Variants in SWI5 observed in about 807,000 individuals in gnomAD.
SWI5 encodes DNA repair protein SWI5 homolog.
Under a neutral mutation model 17.0 loss-of-function variants are expected in SWI5, and 12 were observed. The ratio of observed to expected loss-of-function variants is 0.71; its 90% CI spans 0.45 to 1.14. SWI5 has a LOEUF of 1.14. SWI5 is among the 50% of genes most tolerant of loss of function. The pLI, the probability that SWI5 is intolerant of heterozygous loss-of-function variation, is 0.00. For synonymous variants in SWI5, 61 were observed against 64.0 expected (o/e 0.95, Z 0.22); for missense variants, 158 against 162.2 (o/e 0.97, Z 0.14).
intron 2 of SWI5, among the ~76,000 whole-genome samples, chr9:128,281,488 C>G (rs937967908): frequency 3.9e-5 from 6 of 152,204 alleles, no homozygotes; most frequent in African/African-American, 1.4e-4. Flanking sequence ...CTCGGAGAAG[C>G]CTTATCCCCA....
At chr9:128,278,106 T>A (rs1276314585) in intron 2 of SWI5, among the ~76,000 whole-genome samples, 1 of 152,004 alleles carries the variant, frequency 6.6e-6, no homozygotes, top group African/African-American at 2.4e-5. Flanking sequence ...TTGTGTGCCA[T>A]GACGCCTGGC....
At chr9:128,275,859 C>A (rs1173371021), upstream of SWI5, 10 of 1,164,562 alleles carry the variant, frequency 8.6e-6, no homozygotes, top group East Asian at 1.8e-4. Flanking sequence ...GGGGCTGGGG[C>A]TGGGTCGGGG....
chr9:128,283,528 CATT>C (rs1277401621), intron 2 of SWI5, among the ~76,000 whole-genome samples: 100 of 150,870 alleles, frequency 6.6e-4, no homozygotes, highest in Non-Finnish European at 7.7e-4. Context: ...CAACCAGTGA[CATT>C]GTAAATGAGA....
rs145414387 is a variant in SWI5, at chr9:128,277,672, A to G, written c.111+917A>G. Among the ~76,000 whole-genome samples the G allele has an allele frequency of 1.8e-3, 270 of 152,372 alleles. 1 individual carries two copies. The highest frequency in any genetic ancestry group is 2.9e-3 in the Non-Finnish European group (198 of 68,042). On this transcript the variant is annotated intron_variant, in intron 2 of 4. Transcript: ENST00000418976. ...CCCTCCAGGAGCCACAGGCAAAAAA[A>G]TAATTCCAGGACAAGTATGCACATG...
chr9:128,276,272 C>A lies in SWI5; in HGVS notation c.-69C>A, dbSNP rs1327795910. 6.2e-7 allele frequency: 1 copy of A among 1,612,438 alleles called. No individual in the cohort carries two copies. The highest frequency in any genetic ancestry group is 8.5e-7 in the Non-Finnish European group (1 of 1,179,482). On this transcript the variant is annotated 5_prime_UTR_variant, in exon 1 of 5. Coordinates refer to ENST00000418976, the Ensembl canonical transcript of SWI5. ...TTGGGTGCGCGCGCAGCTTTCTGTG[C>A]GCCAGTTCACACTCCGGGTCAGAGT...
intron 2 of SWI5, among the ~76,000 whole-genome samples, chr9:128,281,584 G>A (rs539527549): frequency 8.6e-4 from 129 of 149,634 alleles, no homozygotes; most frequent in African/African-American, 2.7e-3. Context: ...CTTATAATTC[G>A]TTTATTGGTT....
chr9:128,285,291 A>G lies in SWI5; in HGVS notation c.234-648A>G, dbSNP rs1831619535. The stretch of plus-strand genomic sequence containing the variant: ...AGGAAGGAAGGGAAAGGAAGGAAGG[A>G]AGGAAAGGAAGGAAGGAAGAAAGAA... On this transcript the variant is annotated intron_variant, in intron 3 of 4. Transcript: ENST00000418976. The surrounding 1 kb of genome is among the most constrained non-coding windows in gnomAD (Gnocchi z 4.8). Among the ~76,000 whole-genome samples the G allele has an allele frequency of 6.6e-6, 1 of 151,368 alleles. No individual in the cohort carries two copies. The highest frequency in any genetic ancestry group is 1.5e-5 in the Non-Finnish European group (1 of 67,772).
chr9:128,277,706 A>G (rs1483180840), intron 2 of SWI5, among the ~76,000 whole-genome samples: 1 of 152,228 alleles, frequency 6.6e-6, no homozygotes, highest in Admixed American at 6.5e-5. Flanking sequence ...TGGTTCTGAG[A>G]TGGGGAGCCC....
chr9:128,282,664 A>G (rs1447074548), intron 2 of SWI5, among the ~76,000 whole-genome samples: 1 of 152,192 alleles, frequency 6.6e-6, no homozygotes, highest in African/African-American at 2.4e-5. Flanking sequence ...TTCCTGGCAG[A>G]GAGTGCTCAC....
chr9:128,276,530 C>T, intron 1 of SWI5, 128 bp downstream of exon 1: 3 of 1,569,048 alleles, frequency 1.9e-6, no homozygotes, highest in African/African-American at 2.7e-5. Context: ...TCTCAGAACG[C>T]CCCCTTCCTA....
chr9:128,287,010 G>A (rs1831650706), intron 4 of SWI5, among the ~76,000 whole-genome samples: 1 of 151,972 alleles, frequency 6.6e-6, no homozygotes, highest in Non-Finnish European at 1.5e-5. Context: ...AGGCATGGTG[G>A]CACATGTGTA....
chr9:128,286,329 G>T (rs1197535309), intron 4 of SWI5: 1 of 362,092 alleles, frequency 2.8e-6, no homozygotes, highest in African/African-American at 2.0e-5. Context: ...CCTACTCAGA[G>T]TGATCAAGAT....
intron 2 of SWI5, chr9:128,278,547 G>C (rs1424100029): frequency 2.2e-6 from 1 of 445,358 alleles, no homozygotes; most frequent in East Asian, 7.2e-5. Context: ...CTGGGCAACA[G>C]AGCGAAACTC....
chr9:128,282,373 C>T (rs958710267), intron 2 of SWI5, among the ~76,000 whole-genome samples: 1 of 150,898 alleles, frequency 6.6e-6, no homozygotes, highest in Non-Finnish European at 1.5e-5. Context: ...GGCGACAACG[C>T]GAGAACTGTC....
At chr9:128,276,317 A>C in exon 1 of SWI5, 1 of 1,612,998 alleles carries the variant, frequency 6.2e-7, no homozygotes, top group Non-Finnish European at 8.5e-7. Flanking sequence ...GGTGCACCTG[A>C]GAGGTCGCTC....
At chr9:128,286,134 T>A (rs1285206205) in intron 4 of SWI5, 101 bp downstream of exon 4, 1 of 824,512 alleles carries the variant, frequency 1.2e-6, no homozygotes, top group African/African-American at 1.7e-5. Flanking sequence ...TTGCCAACCG[T>A]CACACCCTCA....
chr9:128,276,704 T>C lies in SWI5; in HGVS notation c.63-3T>C. On this transcript the variant is annotated splice_polypyrimidine_tract_variant and splice_region_variant and intron_variant, in intron 1 of 4. Coordinates refer to ENST00000418976, the Ensembl canonical transcript of SWI5. ...CAGACTTTCCCCTCGGATTCCTCTC[T>C]AGGACTGAACCAAGACTTACCCGAA... is the stretch of plus-strand genomic sequence containing the variant. The C allele has an allele frequency of 3.7e-6, 6 of 1,613,934 alleles. No individual in the cohort carries two copies. The highest frequency in any genetic ancestry group is 5.1e-6 in the Non-Finnish European group (6 of 1,179,948).
chr9:128,277,751 G>A (rs1332417208), intron 2 of SWI5, among the ~76,000 whole-genome samples: 1 of 152,178 alleles, frequency 6.6e-6, no homozygotes, highest in Non-Finnish European at 1.5e-5. Flanking sequence ...CTCCAGAGAT[G>A]GCAGGGTCAG....
At chr9:128,287,993 G>A (rs1157008670) in intron 4 of SWI5, among the ~76,000 whole-genome samples, 1 of 152,134 alleles carries the variant, frequency 6.6e-6, no homozygotes, top group African/African-American at 2.4e-5. Context: ...TTTCCTGTTA[G>A]GGGTGGAGGA....
Sources: allele counts gnomAD v4.1 joint callset (sites outside exome capture counted in the v4.1 genomes callset), GRCh38; gene constraint gnomAD v4.1.1; non-coding constraint Gnocchi (gnomAD v3.1); transcripts MANE v1.5; gene names NCBI Gene and HGNC (gene_info 2026-07-23, HGNC 2026-07-21).